The following CELF5 variants were observed in gnomAD, a reference collection of about 807,000 sequenced individuals.
The protein encoded by CELF5 is CUG-BP and ETR-3 like factor 5.
In CELF5, 6 loss-of-function variants were observed where a neutral mutation model predicts 54.9. The observed-to-expected ratio is 0.11, with a 90% confidence interval of 0.06 to 0.22. The LOEUF is 0.22. Among genes scored for constraint, CELF5 ranks in the 10% least tolerant of loss-of-function variants. The probability of loss-of-function intolerance (pLI) is 1.00; values close to 1 mark genes in which losing one functional copy is unlikely to be tolerated. For missense variants in CELF5, 401 were observed against 678.6 expected (o/e 0.59, Z 4.54); for synonymous variants, 271 against 290.9 (o/e 0.93, Z 0.70).
Position 3,275,431 on chromosome 19 carries a change from C to T in CELF5, c.395-425C>T, listed in dbSNP as rs1050765718. Among the ~76,000 whole-genome samples, 4 of 152,218 alleles carry T rather than the reference C, an allele frequency of 2.6e-5. No individual in the cohort carries two copies. The highest frequency in any genetic ancestry group is 5.9e-5 in the Non-Finnish European group (4 of 68,038). ...CAGTGCCCACCTCCGCCTGGCAGGT[C>T]CGGGGAGCAGACAGAAAGACAGACA... On this transcript the variant is annotated intron_variant, in intron 3 of 12. Coordinates refer to ENST00000292672, the MANE Select transcript of CELF5 (RefSeq NM_021938.4). This position sits in a 1 kb window ranked among gnomAD's most constrained non-coding sequence, Gnocchi z 6.7.
chr19:3,225,480 C>CCA, intron 1 of CELF5: 1 of 670,800 alleles, frequency 1.5e-6, no homozygotes, highest in Non-Finnish European at 1.8e-6. Flanking sequence ...CCCCCACCCC[C>CCA]ATTCATTCAG....
At position 3,224,702 on chromosome 19, in the gene CELF5, C is replaced by CCCGCCGCCG. The variant is rs979641198; in HGVS notation, c.-28_-20dup. On this transcript the variant is annotated 5_prime_UTR_variant, in exon 1 of 13. Transcript: ENST00000292672. ...GCTCCAGCTGCGAGTCCGCCCGCCGCCCGCCGCCGCCGCCGCCGGCTCGGT... is the reference window on the plus strand; with the variant it reads ...GCTCCAGCTGCGAGTCCGCCCGCCGCCCGCCGCCGCCGCCGCCGCCGCCGCCGGCTCGGT... 12 of 1,008,764 alleles carry CCCGCCGCCG rather than the reference C, an allele frequency of 1.2e-5. No homozygotes were observed. In the East Asian group the frequency reaches 8.2e-4, roughly 69 times the overall value. 62.5% of individuals were successfully genotyped at this position (1,008,764 alleles called of 1,614,324 possible).
chr19:3,230,734 T>C (rs1454142354), intron 1 of CELF5, among the ~76,000 whole-genome samples: 4 of 152,234 alleles, frequency 2.6e-5, no homozygotes, highest in South Asian at 2.1e-4. Context: ...CCTCCCAGCC[T>C]TGCTCAAAAT....
Position 3,282,413 on chromosome 19 carries a change from C to T in CELF5, c.954C>T (p.Thr318=), listed in dbSNP as rs2080168896. The T allele has an allele frequency of 6.2e-7, 1 of 1,613,128 alleles. No individual in the cohort carries two copies. The highest frequency in any genetic ancestry group is 8.5e-7 in the Non-Finnish European group (1 of 1,180,024). ...TAVPGLVAPI[T]NGFAGVVPFP... is the part of the protein sequence containing the mutation. The stretch of plus-strand genomic sequence containing the variant: ...TGCCTGGCCTCGTGGCTCCCATCAC[C>T]AATGGCTTTGCAGGTGTCGTGCCCT... The change falls in exon 8 of 13, where the codon ACC becomes ACT. Residue 318 remains threonine (T), a synonymous_variant. Coordinates refer to ENST00000292672, the MANE Select transcript of CELF5 (RefSeq NM_021938.4). The surrounding 1 kb of genome is among the most constrained non-coding windows in gnomAD (Gnocchi z 5.2).
chr19:3,257,592 C>T (rs2079746535), intron 2 of CELF5, among the ~76,000 whole-genome samples: 1 of 151,244 alleles, frequency 6.6e-6, no homozygotes. Context: ...TCTCCTGCCT[C>T]AGCCTCCCGA....
At chr19:3,235,149 C>T (rs188492186) in intron 1 of CELF5, among the ~76,000 whole-genome samples, 1 of 152,176 alleles carries the variant, frequency 6.6e-6, no homozygotes, top group Non-Finnish European at 1.5e-5. Context: ...ACTCCAGGAC[C>T]TTTGCATGGG....
intron 1 of CELF5, among the ~76,000 whole-genome samples, chr19:3,235,092 C>A (rs976581700): frequency 6.6e-6 from 1 of 152,198 alleles, no homozygotes; most frequent in Non-Finnish European, 1.5e-5. Flanking sequence ...TCTGTTCCAG[C>A]CACACTGGCC....
At chr19:3,276,021 G>T (rs750874598) in intron 4 of CELF5, 37 bp downstream of exon 4, 3 of 1,406,724 alleles carry the variant, frequency 2.1e-6, no homozygotes, top group Admixed American at 2.0e-5. Context: ...TGCGAGAGGG[G>T]CCGGGCTAGC....
At chr19:3,272,393 GA>G (rs995616292) in intron 2 of CELF5, among the ~76,000 whole-genome samples, 6 of 151,322 alleles carry the variant, frequency 4.0e-5, no homozygotes, top group African/African-American at 7.3e-5. Context: ...AAAAAGAAAA[GA>G]AAAAAAAGAA....
chr19:3,254,430 C>T (rs1395274884), intron 2 of CELF5, among the ~76,000 whole-genome samples: 1 of 151,786 alleles, frequency 6.6e-6, no homozygotes, highest in Non-Finnish European at 1.5e-5. Flanking sequence ...TCCAGCCACA[C>T]GTCCATCCAT....
chr19:3,227,094 C>T (rs1265036619), intron 1 of CELF5, among the ~76,000 whole-genome samples: 1 of 152,164 alleles, frequency 6.6e-6, no homozygotes, highest in Non-Finnish European at 1.5e-5. Flanking sequence ...ACAGGGGCTT[C>T]ACCTCGTGTC....
intron 2 of CELF5, among the ~76,000 whole-genome samples, chr19:3,257,785 T>TTTATTTATATATTTA (rs1568343177): frequency 1.2e-5 from 1 of 80,550 alleles, no homozygotes; most frequent in Non-Finnish European, 2.7e-5. Context: ...CTCCATTTTT[T>TTTATTTATATATTTA]TTTATTTATT....
At chr19:3,257,737 A>G (rs968870683) in intron 2 of CELF5, among the ~76,000 whole-genome samples, 2 of 151,770 alleles carry the variant, frequency 1.3e-5, no homozygotes, top group Non-Finnish European at 2.9e-5. Flanking sequence ...CGGACTCCCA[A>G]AGTGCTGGGA....
intron 10 of CELF5, 83 bp downstream of exon 10, chr19:3,286,108 G>A: frequency 8.0e-7 from 1 of 1,246,992 alleles, no homozygotes; most frequent in Admixed American, 3.2e-5. Context: ...TCTGGCCCGG[G>A]CCTCTGGGAC....
chr19:3,232,938 G>A (rs1917337831), intron 1 of CELF5, among the ~76,000 whole-genome samples: 2 of 152,006 alleles, frequency 1.3e-5, no homozygotes, highest in African/African-American at 4.8e-5. Context: ...GCCGGGTGTG[G>A]TGGTGCATGT....
In CELF5 at chr19:3,281,150, T is replaced by C. The variant is rs1309732075; in HGVS notation, c.604-49T>C. The C allele has an allele frequency of 1.3e-6, 2 of 1,582,468 alleles. No individual in the cohort carries two copies. The highest frequency in any genetic ancestry group is 2.7e-5 in the African/African-American group (2 of 74,654). On this transcript the variant is annotated intron_variant, in intron 5 of 12. Transcript: ENST00000292672. The surrounding 1 kb of genome is among the most constrained non-coding windows in gnomAD (Gnocchi z 6.5). ...CATGAATCCAGGGACCCCAGAGTCCTGGCTACCTCCCAGCCCGTTTCCCTC... is the reference window on the plus strand; with the variant it reads ...CATGAATCCAGGGACCCCAGAGTCCCGGCTACCTCCCAGCCCGTTTCCCTC...
rs1362123200 is a variant in CELF5 at position 3,281,440 on chromosome 19, T to C, written c.750+95T>C. The C allele has an allele frequency of 2.2e-6, 3 of 1,393,834 alleles. No homozygotes were observed. Among genetic ancestry groups the C allele is most frequent in the African/African-American group, 2.8e-5 (2 of 70,528 alleles). The allele number at this position is 1,393,834 out of a possible 1,614,324, so 86.3% of individuals were successfully genotyped here. ...GCTCCTGCCTCTCCCTCCATCTCCCTGACTCAGGGTCCTCTCCTGGCGTGG... is the reference window on the plus strand; with the variant it reads ...GCTCCTGCCTCTCCCTCCATCTCCCCGACTCAGGGTCCTCTCCTGGCGTGG... On this transcript the variant is annotated intron_variant, in intron 6 of 12. Coordinates refer to ENST00000292672, the MANE Select transcript of CELF5 (RefSeq NM_021938.4). The surrounding 1 kb of genome is among the most constrained non-coding windows in gnomAD (Gnocchi z 6.5).
intron 1 of CELF5, among the ~76,000 whole-genome samples, chr19:3,231,547 T>A (rs192159432): frequency 7.6e-6 from 1 of 132,164 alleles, no homozygotes; most frequent in Non-Finnish European, 1.6e-5. Flanking sequence ...ATGGATGGAT[T>A]TGTAGATGGG....
At chr19:3,225,102 T>G in intron 1 of CELF5, 104 bp downstream of exon 1, 5 of 634,972 alleles carry the variant, frequency 7.9e-6, no homozygotes, top group Non-Finnish European at 9.8e-6. Flanking sequence ...CTCACCTCCC[T>G]CCTCTGCCTG....
Sources: gnomAD v4.1 joint callset for allele counts (sites outside exome capture counted in the v4.1 genomes callset) on GRCh38, gnomAD v4.1.1 for gene constraint, Gnocchi (gnomAD v3.1) non-coding constraint, MANE v1.5 for transcripts, NCBI Gene and HGNC (gene_info 2026-07-23, HGNC 2026-07-21) for gene names.